The following FBXL7 variants were observed in gnomAD, a reference collection of about 807,000 sequenced individuals.
The protein encoded by FBXL7 is F-box and leucine rich repeat protein 7.
A neutral mutation model predicts 38.3 loss-of-function variants in FBXL7; 12 were observed. The observed-to-expected ratio is 0.31, with a 90% CI of 0.20 to 0.51. The LOEUF is 0.51. FBXL7 is among the 20% of genes least tolerant of loss of function. FBXL7 has a pLI of 0.98. For missense variants in FBXL7, 567 were observed against 676.4 expected (o/e 0.84, Z 1.79); for synonymous variants, 297 against 300.9 (o/e 0.99, Z 0.13).
At chr5:15,515,433 A>G (rs1736908382) in intron 1 of FBXL7, among the ~76,000 whole-genome samples, 1 of 152,144 alleles carries the variant, frequency 6.6e-6, no homozygotes, top group Non-Finnish European at 1.5e-5. Context: ...TGCTGCTATA[A>G]CTCAGAATTG....
At chr5:15,762,818 C>T (rs561795872) in intron 2 of FBXL7, among the ~76,000 whole-genome samples, 38 of 152,254 alleles carry the variant, frequency 2.5e-4, no homozygotes, top group African/African-American at 7.7e-4. Context: ...AAATGCATTA[C>T]GTAGTGTCTT....
At chr5:15,551,438 T>C (rs1738066691) in intron 1 of FBXL7, among the ~76,000 whole-genome samples, 1 of 152,200 alleles carries the variant, frequency 6.6e-6, no homozygotes, top group Admixed American at 6.5e-5. Flanking sequence ...ACTGGGGGTC[T>C]GTAGTGTATT....
chr5:15,816,476 T>G (rs545772297), intron 2 of FBXL7, among the ~76,000 whole-genome samples: 15 of 151,394 alleles, frequency 9.9e-5, no homozygotes. Context: ...ATAATGGACA[T>G]TGAAGACTCA....
At chr5:15,554,327 C>T (rs1461208503) in intron 1 of FBXL7, among the ~76,000 whole-genome samples, 1 of 152,108 alleles carries the variant, frequency 6.6e-6, no homozygotes, top group East Asian at 1.9e-4. Context: ...TCAAGCAGAT[C>T]CCTGTCTAAT....
intron 2 of FBXL7, among the ~76,000 whole-genome samples, chr5:15,749,626 CA>C (rs376340639): frequency 7.6e-5 from 11 of 144,618 alleles, no homozygotes; most frequent in Middle Eastern, 3.5e-3. Flanking sequence ...GACTCCGTCT[CA>C]AAAAAAAAAG....
chr5:15,586,289 TTC>T (rs896059274), intron 1 of FBXL7, among the ~76,000 whole-genome samples: 2 of 101,952 alleles, frequency 2.0e-5, no homozygotes, highest in African/African-American at 3.8e-5. Flanking sequence ...CTTGTCTTCT[TTC>T]TCTCTCTCTC....
chr5:15,795,229 A>C (rs1737384790), intron 2 of FBXL7, among the ~76,000 whole-genome samples: 1 of 152,228 alleles, frequency 6.6e-6, no homozygotes, highest in African/African-American at 2.4e-5. Context: ...AGAGAATAGA[A>C]GACCTCTGAG....
rs547311952 is a variant in FBXL7, at chr5:15,564,538, A to G, written c.38-51445A>G. On this transcript the variant is annotated intron_variant, in intron 1 of 3. Transcript: ENST00000504595. ...TATTTTAAGTAGATATACACGCCCA[A>G]TATTAGCAATAGCAGGAAATGAAAA... Among the ~76,000 whole-genome samples, 477 of 152,188 alleles carry G rather than the reference A, an allele frequency of 3.1e-3. 5 individuals are homozygous for G. The highest frequency in any genetic ancestry group is 0.01 in the African/African-American group (430 of 41,556).
At chr5:15,794,362 A>G (rs573465729) in intron 2 of FBXL7, among the ~76,000 whole-genome samples, 1 of 152,310 alleles carries the variant, frequency 6.6e-6, no homozygotes, top group Non-Finnish European at 1.5e-5. Context: ...TTTTTAAGGG[A>G]ATAGAAAATT....
At chr5:15,587,198 A>T (rs946727844) in intron 1 of FBXL7, among the ~76,000 whole-genome samples, 1 of 152,154 alleles carries the variant, frequency 6.6e-6, no homozygotes, top group Non-Finnish European at 1.5e-5. Context: ...TGCATGATTC[A>T]TCTCTTCCCA....
intron 2 of FBXL7, among the ~76,000 whole-genome samples, chr5:15,749,586 C>T (rs1022415533): frequency 4.6e-5 from 7 of 152,054 alleles, no homozygotes; most frequent in African/African-American, 7.2e-5. Flanking sequence ...GAGATTGCGC[C>T]ACTGCACTCC....
At chr5:15,749,549 C>A (rs1157966415) in intron 2 of FBXL7, among the ~76,000 whole-genome samples, 9 of 152,040 alleles carry the variant, frequency 5.9e-5, no homozygotes, top group Non-Finnish European at 1.3e-4. Flanking sequence ...ATGGCGTGAA[C>A]CCAGGAGGCG....
intron 1 of FBXL7, among the ~76,000 whole-genome samples, chr5:15,577,439 C>T (rs769791544): frequency 6.6e-5 from 10 of 152,150 alleles, no homozygotes; most frequent in East Asian, 1.9e-4. Context: ...AGAGAGTGAC[C>T]GCTTTCTATT....
At chr5:15,636,552 A>G (rs1741192863) in intron 2 of FBXL7, among the ~76,000 whole-genome samples, 1 of 152,170 alleles carries the variant, frequency 6.6e-6, no homozygotes, top group African/African-American at 2.4e-5. Context: ...AATTTGGCTG[A>G]TGTTTAGAAA....
At chr5:15,698,937 G>A (rs1282344414) in intron 2 of FBXL7, among the ~76,000 whole-genome samples, 6 of 152,168 alleles carry the variant, frequency 3.9e-5, no homozygotes, top group Non-Finnish European at 8.8e-5. Context: ...GCCTGCCATA[G>A]ACCCTGAGAC....
At chr5:15,851,283 C>T (rs1739086585) in intron 2 of FBXL7, among the ~76,000 whole-genome samples, 1 of 152,110 alleles carries the variant, frequency 6.6e-6, no homozygotes, top group Non-Finnish European at 1.5e-5. Flanking sequence ...CATAAATGGC[C>T]TCTTTTCCTA....
chr5:15,938,541 C>T lies in FBXL7; in HGVS notation c.*1355C>T, dbSNP rs979690215. ...AAGTGTTTAATTGTGCAAATTGCCA[C>T]CCTGTGTACCTCCTCCATGTCTGTC... On this transcript the variant is annotated 3_prime_UTR_variant, in exon 4 of 4. Coordinates refer to ENST00000504595, the MANE Select transcript of FBXL7 (RefSeq NM_012304.5). The T allele has an allele frequency of 2.6e-5, 4 of 153,528 alleles. No individual in the cohort carries two copies. In the Admixed American group the frequency reaches 2.6e-4, roughly 10 times the overall value. 9.5% of individuals were successfully genotyped at this position (153,528 alleles called of 1,614,324 possible).
At chr5:15,798,179 T>G (rs763754885) in intron 2 of FBXL7, among the ~76,000 whole-genome samples, 2 of 152,200 alleles carry the variant, frequency 1.3e-5, no homozygotes, top group Non-Finnish European at 2.9e-5. Flanking sequence ...CCTGGCAGAC[T>G]CTACACTTTC....
At chr5:15,532,389 G>C (rs1737456289) in intron 1 of FBXL7, among the ~76,000 whole-genome samples, 1 of 152,216 alleles carries the variant, frequency 6.6e-6, no homozygotes, top group Non-Finnish European at 1.5e-5. Flanking sequence ...GTGACTGAAA[G>C]CTCTTTCAAC....
Sources: allele counts gnomAD v4.1 joint callset (sites outside exome capture counted in the v4.1 genomes callset), GRCh38; gene constraint gnomAD v4.1.1; transcripts MANE v1.5; gene names NCBI Gene and HGNC (gene_info 2026-07-23, HGNC 2026-07-21).